The following SLIT1 variants were observed in gnomAD, a reference collection of about 807,000 sequenced individuals.
The protein encoded by SLIT1 is slit homolog 1 protein.
Under a neutral mutation model 186.1 loss-of-function variants are expected in SLIT1, and 66 were observed. That is an observed-to-expected ratio of 0.35 (90% CI 0.29 to 0.44). The LOEUF (loss-of-function observed/expected upper bound fraction) is 0.44, where lower values mean the gene tolerates loss of function less well. Ranked by LOEUF, SLIT1 falls within the 20% of genes least tolerant of loss-of-function variation. SLIT1 has a pLI of 1.00. For missense variants in SLIT1, 1,638 were observed against 2,037.4 expected (o/e 0.80, Z 3.77); for synonymous variants, 761 against 833.8 (o/e 0.91, Z 1.50).
chr10:97,185,735 C>T lies in SLIT1; in HGVS notation c.-61G>A. The T allele has an allele frequency of 7.3e-7, 1 of 1,371,604 alleles. No individual in the cohort carries two copies. The highest frequency in any genetic ancestry group is 9.5e-7 in the Non-Finnish European group (1 of 1,054,182). 85.0% of individuals were successfully genotyped at this position (1,371,604 alleles called of 1,614,324 possible). A position where few individuals can be genotyped will look rare whatever the true frequency, so the allele number is the denominator to read the frequency against. The stretch of plus-strand genomic sequence containing the variant: ...GCAGCAGCCGCTGACCATCCCCGTC[C>T]GGGGCCGCCTCCAGGTGCAGTCCCG... On this transcript the variant is annotated 5_prime_UTR_variant, in exon 1 of 37. Coordinates refer to ENST00000266058, the MANE Select transcript of SLIT1 (RefSeq NM_003061.3).
intron 1 of SLIT1, among the ~76,000 whole-genome samples, chr10:97,177,731 T>C (rs1239000190): frequency 6.6e-6 from 1 of 152,136 alleles, no homozygotes; most frequent in East Asian, 1.9e-4. Context: ...ATCCCAGAAC[T>C]TTGGGAGGCT....
intron 28 of SLIT1, among the ~76,000 whole-genome samples, chr10:97,014,802 G>A (rs1848440619): frequency 6.6e-6 from 1 of 151,620 alleles, no homozygotes; most frequent in South Asian, 2.1e-4. Context: ...TGAGGTGGAG[G>A]TTATAGTTAG....
intron 32 of SLIT1, among the ~76,000 whole-genome samples, chr10:97,005,127 C>T (rs1848349013): frequency 6.6e-6 from 1 of 152,218 alleles, no homozygotes; most frequent in Non-Finnish European, 1.5e-5. Flanking sequence ...ACAATCTTCC[C>T]AGAGAGGAAA....
intron 1 of SLIT1, among the ~76,000 whole-genome samples, chr10:97,179,046 C>T (rs112104145): frequency 0.022 from 3,402 of 152,180 alleles, 68 homozygotes; most frequent in African/African-American, 0.043. Context: ...CTCGCTTCGC[C>T]TCGCTACTTA....
At chr10:97,013,652 A>C in intron 30 of SLIT1, 89 bp downstream of exon 30, 14 of 892,700 alleles carry the variant, frequency 1.6e-5, no homozygotes, top group Non-Finnish European at 2.5e-5. Flanking sequence ...AAATGAGGGA[A>C]TGAGGGTGGG....
At chr10:97,097,846 T>A (rs901331675) in intron 4 of SLIT1, among the ~76,000 whole-genome samples, 3 of 152,216 alleles carry the variant, frequency 2.0e-5, no homozygotes, top group African/African-American at 7.2e-5. Context: ...TGGGCAGCCA[T>A]CAGTCCTCGT....
At chr10:97,135,463 A>G (rs1005098106) in intron 4 of SLIT1, among the ~76,000 whole-genome samples, 4 of 152,168 alleles carry the variant, frequency 2.6e-5, no homozygotes, top group African/African-American at 9.7e-5. Context: ...TTTGGGAGGT[A>G]GAAAGCAACA....
chr10:97,101,797 G>A (rs1849356946), intron 4 of SLIT1, among the ~76,000 whole-genome samples: 1 of 152,240 alleles, frequency 6.6e-6, no homozygotes, highest in Non-Finnish European at 1.5e-5. Context: ...TGTCTGGTGT[G>A]TTGAGCCACA....
intron 1 of SLIT1, among the ~76,000 whole-genome samples, chr10:97,179,226 T>C (rs1019378090): frequency 3.3e-5 from 5 of 152,188 alleles, no homozygotes. Flanking sequence ...TTCTAATTAT[T>C]AATCTTTATT....
At chr10:97,051,966 T>G (rs890283837) in intron 13 of SLIT1, among the ~76,000 whole-genome samples, 1 of 152,118 alleles carries the variant, frequency 6.6e-6, no homozygotes, top group African/African-American at 2.4e-5. Flanking sequence ...ATTTACACAA[T>G]GGAAAAATTA....
chr10:97,023,466 C>T (rs567641622), intron 25 of SLIT1, among the ~76,000 whole-genome samples: 1 of 152,244 alleles, frequency 6.6e-6, no homozygotes, highest in South Asian at 2.1e-4. Flanking sequence ...CCGCCCCCAA[C>T]TGCAAAGGTT....
chr10:97,004,646 C>T lies in SLIT1; in HGVS notation c.3710+47G>A. The T allele has an allele frequency of 6.2e-7, 1 of 1,610,934 alleles. No individual in the cohort carries two copies. Among genetic ancestry groups the T allele is most frequent in the Non-Finnish European group, 8.5e-7 (1 of 1,177,966 alleles). On this transcript the variant is annotated intron_variant, in intron 33 of 36. Coordinates refer to ENST00000266058, the MANE Select transcript of SLIT1 (RefSeq NM_003061.3). This position sits in a 1 kb window ranked among gnomAD's most constrained non-coding sequence, Gnocchi z 5.1. ...TTTGGCCCAGGAGACCTCGCCCTGG[C>T]AGTCCCGTACCCCTGAGGGCAGCTG...
chr10:97,031,613 G>A lies in SLIT1; in HGVS notation c.2503C>T (p.Arg835Cys), dbSNP rs140889847. 7 of 1,550,406 alleles carry A rather than the reference G, an allele frequency of 4.5e-6. No individual in the cohort carries two copies. The highest frequency in any genetic ancestry group is 1.2e-5 in the South Asian group (1 of 83,970). Residue 835 changes from arginine to cysteine, a missense_variant, in exon 24 of 37, where the codon CGC (arginine) becomes TGC (cysteine). This residue lies in a region of SLIT1 where 1,245 missense variants were observed against 1,535.3 expected (regional missense o/e 0.81). Transcript: ENST00000266058. ...GTGAGTGAGGAGACTTACAGCAGGC[G>A]CAGGGAGCGGAGTCCCTGGAAGGCC... ...PLAFQGLRSL[R>C]LLSLHGNDIS...
intron 4 of SLIT1, chr10:97,157,264 A>G (rs1002792181): frequency 1.3e-5 from 2 of 152,330 alleles, no homozygotes; most frequent in Admixed American, 6.5e-5. Flanking sequence ...AATTACAGAC[A>G]CATGTGGCAA....
intron 4 of SLIT1, chr10:97,154,470 C>G (rs893747623): frequency 6.6e-6 from 1 of 151,612 alleles, no homozygotes; most frequent in African/African-American, 2.4e-5. Flanking sequence ...TCTGCCTTCA[C>G]CCAAATCCTG....
At chr10:97,028,544 T>A (rs965147849) in intron 25 of SLIT1, among the ~76,000 whole-genome samples, 4 of 152,212 alleles carry the variant, frequency 2.6e-5, no homozygotes, top group African/African-American at 9.6e-5. Context: ...CCTTTGCACA[T>A]GCTGTTCCCT....
At chr10:97,161,398 T>C (rs1850024030) in intron 3 of SLIT1, among the ~76,000 whole-genome samples, 1 of 152,238 alleles carries the variant, frequency 6.6e-6, no homozygotes, top group Non-Finnish European at 1.5e-5. Context: ...AAAAGAAAGA[T>C]TGCCTTGCTT....
chr10:97,177,886 G>T (rs1391238129), intron 1 of SLIT1, among the ~76,000 whole-genome samples: 1 of 152,156 alleles, frequency 6.6e-6, no homozygotes, highest in Non-Finnish European at 1.5e-5. Flanking sequence ...TGAGGCAGGG[G>T]AATCACTTGA....
In SLIT1 at chr10:97,034,690, G is replaced by A. The variant is rs561906654; in HGVS notation, c.2367-148C>T. 30 of 677,380 alleles carry A rather than the reference G, an allele frequency of 4.4e-5. No homozygotes were observed. The East Asian group carries it at 5.3e-4, about 12-fold the overall frequency. The allele number at this position is 677,380 out of a possible 1,614,324, so 42.0% of individuals were successfully genotyped here. ...GAGAGGAGCCCTGGTGCACAGCCTC[G>A]GGTCTCAGCGCTTGCTTAGCTACAG... On this transcript the variant is annotated intron_variant, in intron 22 of 36. Transcript: ENST00000266058.
Sources: allele counts gnomAD v4.1 joint callset (sites outside exome capture counted in the v4.1 genomes callset), GRCh38; gene constraint gnomAD v4.1.1; regional missense constraint gnomAD v4.1.1; non-coding constraint Gnocchi (gnomAD v3.1); transcripts MANE v1.5; gene names NCBI Gene and HGNC (gene_info 2026-07-23, HGNC 2026-07-21).